Variants in UBE2E2 observed in about 807,000 individuals in gnomAD.
The protein encoded by UBE2E2 is ubiquitin-conjugating enzyme E2 E2.
UBE2E2 carries 6 observed loss-of-function variants against 24.7 expected under a neutral mutation model. The observed-to-expected ratio is 0.24, with a 90% CI of 0.13 to 0.48. The LOEUF is 0.48. UBE2E2 is among the 20% of genes least tolerant of loss of function. UBE2E2 has a pLI of 0.99. For missense variants in UBE2E2, 169 were observed against 245.0 expected (o/e 0.69, Z 2.07); for synonymous variants, 104 against 83.6 (o/e 1.24, Z -1.33).
chr3:23,362,497 C>G (rs969409858), intron 3 of UBE2E2, among the ~76,000 whole-genome samples: 10 of 152,176 alleles, frequency 6.6e-5, no homozygotes, highest in African/African-American at 2.4e-4. Flanking sequence ...GCCCTCCTCC[C>G]TCCATCCCTG....
chr3:23,442,811 T>C (rs755095876), intron 3 of UBE2E2, among the ~76,000 whole-genome samples: 7 of 152,214 alleles, frequency 4.6e-5, no homozygotes, highest in Non-Finnish European at 1.0e-4. Context: ...TCTTCTGCTT[T>C]CCTGTAGCTC....
intron 3 of UBE2E2, among the ~76,000 whole-genome samples, chr3:23,463,485 G>C (rs1382723634): frequency 1.3e-5 from 2 of 152,000 alleles, no homozygotes; most frequent in African/African-American, 2.4e-5. Context: ...TAGTAACTAG[G>C]AGTAGTCATA....
intron 3 of UBE2E2, among the ~76,000 whole-genome samples, chr3:23,227,053 CAAAATT>C (rs1696846272): frequency 6.6e-6 from 1 of 150,708 alleles, no homozygotes; most frequent in South Asian, 2.1e-4. Context: ...TTTTGAGAGA[CAAAATT>C]AATGATGTCG....
chr3:23,495,986 C>G (rs995005566), intron 3 of UBE2E2, among the ~76,000 whole-genome samples: 1 of 152,202 alleles, frequency 6.6e-6, no homozygotes, highest in African/African-American at 2.4e-5. Context: ...ATCTCTACAT[C>G]TGTTTCCTCC....
intron 3 of UBE2E2, among the ~76,000 whole-genome samples, chr3:23,370,230 ATTACT>A (rs1696368326): frequency 6.6e-6 from 1 of 152,046 alleles, no homozygotes; most frequent in Non-Finnish European, 1.5e-5. Context: ...TCACTTCTAG[ATTACT>A]TTACTACCAT....
At chr3:23,360,367 A>G (rs1348211193) in intron 3 of UBE2E2, among the ~76,000 whole-genome samples, 1 of 152,128 alleles carries the variant, frequency 6.6e-6, no homozygotes, top group African/African-American at 2.4e-5. Context: ...GATTAATTTT[A>G]CTTCTGCTGT....
At chr3:23,374,663 T>C (rs1346377697) in intron 3 of UBE2E2, among the ~76,000 whole-genome samples, 1 of 152,210 alleles carries the variant, frequency 6.6e-6, no homozygotes, top group Admixed American at 6.5e-5. Context: ...ATCATTATCT[T>C]CCTACTGAAA....
rs1401941166 is a variant in UBE2E2, at chr3:23,591,629, C to T, written c.*1798C>T. ...TAAATGCATTGGGCAGAGCTATATT[C>T]CAGTGAAACTTTATTTACCACCATA... On this transcript the variant is annotated 3_prime_UTR_variant, in exon 6 of 6. Transcript: ENST00000396703. 1 of 152,182 alleles carries T rather than the reference C, an allele frequency of 6.6e-6. No homozygotes were observed. The highest frequency in any genetic ancestry group is 1.5e-5 in the Non-Finnish European group (1 of 68,048). 9.4% of individuals were successfully genotyped at this position (152,182 alleles called of 1,614,324 possible).
intron 3 of UBE2E2, among the ~76,000 whole-genome samples, chr3:23,310,626 G>C (rs1222346359): frequency 1.3e-5 from 2 of 152,146 alleles, no homozygotes; most frequent in African/African-American, 2.4e-5. Flanking sequence ...GCTTCTACCT[G>C]TAATCTCAAG....
intron 3 of UBE2E2, among the ~76,000 whole-genome samples, chr3:23,403,808 CAA>C (rs375422962): frequency 0.021 from 1,719 of 82,126 alleles, 22 homozygotes; most frequent in African/African-American, 0.06. Context: ...ATTCCGTCTC[CAA>C]AAAAAAAAAA....
chr3:23,489,781 T>G (rs1397775697), intron 3 of UBE2E2, among the ~76,000 whole-genome samples: 1 of 152,200 alleles, frequency 6.6e-6, no homozygotes, highest in African/African-American at 2.4e-5. Context: ...GGTTCAGGTT[T>G]TCTTCTCTGG....
chr3:23,355,629 T>C (rs937886382), intron 3 of UBE2E2, among the ~76,000 whole-genome samples: 8 of 152,220 alleles, frequency 5.3e-5, no homozygotes, highest in Non-Finnish European at 1.0e-4. Context: ...TTTGTTTGTT[T>C]GTTTCATGCC....
chr3:23,267,398 A>T (rs1193361445), intron 3 of UBE2E2, among the ~76,000 whole-genome samples: 10 of 152,250 alleles, frequency 6.6e-5, no homozygotes, highest in Non-Finnish European at 1.5e-4. Flanking sequence ...ACAGAAATAC[A>T]GACTACCATC....
At chr3:23,269,127 C>T (rs112983157) in intron 3 of UBE2E2, among the ~76,000 whole-genome samples, 1 of 151,348 alleles carries the variant, frequency 6.6e-6, no homozygotes, top group South Asian at 2.1e-4. Flanking sequence ...CATTACTGTT[C>T]AGGACATAGG....
intron 5 of UBE2E2, among the ~76,000 whole-genome samples, chr3:23,543,546 CT>C (rs1461254646): frequency 1.1e-5 from 1 of 90,502 alleles, no homozygotes; most frequent in African/African-American, 6.6e-5. Context: ...CAAAACACTG[CT>C]AAAAAAAAAA....
chr3:23,302,694 T>A (rs1241847223), intron 3 of UBE2E2, among the ~76,000 whole-genome samples: 1 of 152,240 alleles, frequency 6.6e-6, no homozygotes, highest in Non-Finnish European at 1.5e-5. Flanking sequence ...CAGCAGAGCC[T>A]AAATTAGATC....
At chr3:23,347,044 C>T (rs9839738) in intron 3 of UBE2E2, among the ~76,000 whole-genome samples, 78,406 of 151,992 alleles carry the variant, frequency 0.52, 20,436 homozygotes, top group Admixed American at 0.6. Flanking sequence ...TTTTGTCATG[C>T]TACTTCCCTC....
At chr3:23,411,324 T>C (rs1428724157) in intron 3 of UBE2E2, among the ~76,000 whole-genome samples, 1 of 152,174 alleles carries the variant, frequency 6.6e-6, no homozygotes, top group Non-Finnish European at 1.5e-5. Flanking sequence ...TAGAGACCTG[T>C]GCTCTAGATG....
At chr3:23,542,035 T>C (rs1695405868) in intron 5 of UBE2E2, among the ~76,000 whole-genome samples, 1 of 152,210 alleles carries the variant, frequency 6.6e-6, no homozygotes, top group Admixed American at 6.5e-5. Context: ...ATAGTTTATC[T>C]AGCTTTGGAT....
Sources: allele counts gnomAD v4.1 joint callset (sites outside exome capture counted in the v4.1 genomes callset), GRCh38; gene constraint gnomAD v4.1.1; transcripts MANE v1.5; gene names NCBI Gene and HGNC (gene_info 2026-07-23, HGNC 2026-07-21).